The following APOLD1 variants were observed in gnomAD, a reference collection of about 807,000 sequenced individuals.
APOLD1 encodes the protein apolipoprotein L domain-containing protein 1.
APOLD1 carries 22 observed loss-of-function variants against 15.3 expected under a neutral mutation model. That is an observed-to-expected ratio of 1.44 (90% CI 1.03 to 2.05). APOLD1 has a LOEUF of 2.05. APOLD1 is among the 30% of genes most tolerant of loss of function. The pLI is 0.00. For missense variants in APOLD1, 394 were observed against 353.5 expected (o/e 1.11, Z -0.92); for synonymous variants, 190 against 167.4 (o/e 1.13, Z -1.04).
rs114535185 is a variant in APOLD1 at position 12,741,360 on chromosome 12, C to T, written c.96+15264C>T. Among the ~76,000 whole-genome samples the T allele has an allele frequency of 1.0e-3, 158 of 152,242 alleles. 1 individual carries two copies. Among genetic ancestry groups the T allele is most frequent in the African/African-American group, 3.7e-3 (154 of 41,552 alleles). On this transcript the variant is annotated intron_variant, in intron 1 of 1. Transcript: ENST00000326765. Reference sequence around the variant, plus strand: ...TAGCTGAGGCTACAGGCATGTGCCACCACACCCAGCTAATTTAGAACATTT... The same window carrying T: ...TAGCTGAGGCTACAGGCATGTGCCATCACACCCAGCTAATTTAGAACATTT...
rs139318096 is a variant in APOLD1, at chr12:12,787,354, G to T, written c.449G>T (p.Arg150Leu). 5.1e-5 allele frequency: 83 copies of T among 1,613,866 alleles called. No homozygotes were observed. The highest frequency in any genetic ancestry group is 1.3e-5 in the African/African-American group (1 of 74,938). ...TGCCGCTGGCAGGGCTGCGGGGACC[G>T]CCAGCTGCTGCAGTGCGGGAGGAAC... The part of the protein sequence containing the change: ...FFCRWQGCGD[R>L]QLLQCGRNAS... The change falls in exon 2 of 2, where the codon CGC becomes CTC. Residue 150 changes from arginine (R) to leucine (L), a missense_variant. Arg to Leu is a moderately radical substitution (Grantham distance 102, BLOSUM62 -2). Coordinates refer to ENST00000356591, the MANE Select transcript of APOLD1 (RefSeq NM_030817.3). The surrounding 1 kb of genome is among the most constrained non-coding windows in gnomAD (Gnocchi z 4.9).
intron 1 of APOLD1, among the ~76,000 whole-genome samples, chr12:12,743,851 T>C (rs1480607600): frequency 6.6e-6 from 1 of 152,028 alleles, no homozygotes; most frequent in East Asian, 1.9e-4. Flanking sequence ...GCTTCGAGGA[T>C]GGAGGAAAGG....
At chr12:12,737,907 T>C (rs1946701939) in intron 1 of APOLD1, among the ~76,000 whole-genome samples, 1 of 152,210 alleles carries the variant, frequency 6.6e-6, no homozygotes, top group Admixed American at 6.5e-5. Flanking sequence ...GAATGTTCTC[T>C]TGAGACCTTT....
At chr12:12,748,537 A>G (rs1946782934) in intron 1 of APOLD1, among the ~76,000 whole-genome samples, 1 of 152,254 alleles carries the variant, frequency 6.6e-6, no homozygotes, top group African/African-American at 2.4e-5. Context: ...TGCATGTGAT[A>G]TTTTGATACA....
At chr12:12,771,664 C>T (rs980753363) in intron 1 of APOLD1, 1 of 485,368 alleles carries the variant, frequency 2.1e-6, no homozygotes, top group African/African-American at 2.0e-5. Flanking sequence ...ACCCAAGCCT[C>T]TTGTCTCCTC....
chr12:12,776,519 G>A (rs1772263602), intron 1 of APOLD1, among the ~76,000 whole-genome samples: 1 of 152,198 alleles, frequency 6.6e-6, no homozygotes, highest in Non-Finnish European at 1.5e-5. Context: ...TTTCGTAATA[G>A]GGCCCATGGG....
chr12:12,787,821 A>T lies in APOLD1; in HGVS notation c.*169A>T. 3 of 933,910 alleles carry T rather than the reference A, an allele frequency of 3.2e-6. No individual in the cohort carries two copies. The highest frequency in any genetic ancestry group is 4.6e-6 in the Non-Finnish European group (3 of 645,278). 57.9% of individuals were successfully genotyped at this position (933,910 alleles called of 1,614,324 possible). On this transcript the variant is annotated 3_prime_UTR_variant, in exon 2 of 2. Transcript: ENST00000356591. This position sits in a 1 kb window ranked among gnomAD's most constrained non-coding sequence, Gnocchi z 4.9. ...TCCCCAAAGCCCTTCTTTTCCCATC[A>T]CTGTGACATCTGCCTGGGCTTGAGT...
At chr12:12,752,111 A>G (rs528173941) in intron 1 of APOLD1, among the ~76,000 whole-genome samples, 4 of 152,326 alleles carry the variant, frequency 2.6e-5, no homozygotes, top group Admixed American at 6.5e-5. Context: ...CTAAGCATCT[A>G]TATTTGTGGT....
At chr12:12,762,782 GAGAA>G (rs1382310903) in intron 1 of APOLD1, among the ~76,000 whole-genome samples, 1 of 152,216 alleles carries the variant, frequency 6.6e-6, no homozygotes, top group Non-Finnish European at 1.5e-5. Flanking sequence ...ACTGGCCAGA[GAGAA>G]AGGACAAATA....
intron 1 of APOLD1, among the ~76,000 whole-genome samples, chr12:12,776,362 A>G (rs978820813): frequency 2.0e-5 from 3 of 152,230 alleles, no homozygotes; most frequent in Non-Finnish European, 2.9e-5. Flanking sequence ...CTCGGAAGAT[A>G]ATGACTAAGC....
chr12:12,745,222 TATTTGAAAGAGA>T (rs1386504145), intron 1 of APOLD1, among the ~76,000 whole-genome samples: 6 of 152,034 alleles, frequency 3.9e-5, no homozygotes, highest in African/African-American at 1.4e-4. Context: ...AATGAGGAGA[TATTTGAAAGAGA>T]ATTTTACAAG....
At chr12:12,769,016 C>T (rs933286998) in intron 1 of APOLD1, among the ~76,000 whole-genome samples, 8 of 151,766 alleles carry the variant, frequency 5.3e-5, no homozygotes, top group Non-Finnish European at 1.0e-4. Flanking sequence ...TTACTTGAGC[C>T]CAGGAGTTCA....
At position 12,785,686 on chromosome 12, in the gene APOLD1, A is replaced by T. The variant is rs753789437; in HGVS notation, c.-6A>T. ...ATTTTACTTTCCTGGAGGCAGACAG[A>T]AGTGAATGGTAAGTGGGGAACCCTG... On this transcript the variant is annotated 5_prime_UTR_variant, in exon 1 of 2. Coordinates refer to ENST00000356591, the MANE Select transcript of APOLD1 (RefSeq NM_030817.3). 17 of 1,614,096 alleles carry T rather than the reference A, an allele frequency of 1.1e-5. No homozygotes were observed. Among genetic ancestry groups the T allele is most frequent in the Non-Finnish European group, 1.4e-5 (16 of 1,179,930 alleles).
chr12:12,749,957 G>A (rs1252368905), intron 1 of APOLD1, among the ~76,000 whole-genome samples: 1 of 152,022 alleles, frequency 6.6e-6, no homozygotes, highest in African/African-American at 2.4e-5. Context: ...TTTTTGACTT[G>A]GAGGCCCTGA....
rs367605402 is a variant in APOLD1, at chr12:12,726,087, C to T, written c.87C>T (p.Cys29=). 4 of 1,489,972 alleles carry T rather than the reference C, an allele frequency of 2.7e-6. No individual in the cohort carries two copies. The African/African-American group carries it at 4.5e-5, about 17-fold the overall frequency. 92.3% of individuals were successfully genotyped at this position (1,489,972 alleles called of 1,614,324 possible). A position where few individuals can be genotyped will look rare whatever the true frequency, so the allele number is the denominator to read the frequency against. Reference sequence around the variant, plus strand: ...CCTGGCGAGGATGCACCTTCCCCTGCCTTGGAAAGGTAGAACTGGGGAGTG... The same window carrying T: ...CCTGGCGAGGATGCACCTTCCCCTGTCTTGGAAAGGTAGAACTGGGGAGTG... The change falls in exon 1 of 2, where the codon TGC becomes TGT. Residue 29 remains cysteine, a synonymous_variant. Transcript: ENST00000326765.
At chr12:12,782,384 T>C (rs1947088205), upstream of APOLD1, among the ~76,000 whole-genome samples, 1 of 152,220 alleles carries the variant, frequency 6.6e-6, no homozygotes, top group Non-Finnish European at 1.5e-5. Flanking sequence ...ACCTCTTGAA[T>C]TAGACTCTCC....
At chr12:12,773,410 AAAATT>A (rs1360230597) in intron 1 of APOLD1, among the ~76,000 whole-genome samples, 1 of 152,138 alleles carries the variant, frequency 6.6e-6, no homozygotes, top group African/African-American at 2.4e-5. Context: ...AATAAATTAA[AAAATT>A]AACCAGGCAT....
chr12:12,776,622 G>A (rs900654141), intron 1 of APOLD1, among the ~76,000 whole-genome samples: 1 of 152,168 alleles, frequency 6.6e-6, no homozygotes, highest in South Asian at 2.1e-4. Context: ...AGGAGGAAGC[G>A]GAGCAAACTT....
At chr12:12,733,260 G>C (rs577841457) in intron 1 of APOLD1, among the ~76,000 whole-genome samples, 4 of 151,902 alleles carry the variant, frequency 2.6e-5, no homozygotes, top group African/African-American at 9.7e-5. Context: ...AGGAGGTCTA[G>C]ACTGCAGTGA....
Sources: gnomAD v4.1 joint callset for allele counts (sites outside exome capture counted in the v4.1 genomes callset) on GRCh38, gnomAD v4.1.1 for gene constraint, Gnocchi (gnomAD v3.1) non-coding constraint, MANE v1.5 for transcripts, NCBI Gene and HGNC (gene_info 2026-07-23, HGNC 2026-07-21) for gene names.